The following ADAM18 variants were observed in gnomAD, a reference collection of about 807,000 sequenced individuals.
ADAM18 encodes the protein disintegrin and metalloproteinase domain-containing protein 18.
ADAM18 carries 117 observed loss-of-function variants against 94.4 expected under a neutral mutation model. That is an observed-to-expected ratio of 1.24 (90% confidence interval 1.07 to 1.45). The LOEUF is 1.45. Ranked by LOEUF, ADAM18 falls within the 40% of genes most tolerant of loss-of-function variation. ADAM18 has a pLI of 0.00. For missense variants in ADAM18, 936 were observed against 880.0 expected, an observed-to-expected ratio of 1.06 and a Z score of -0.81; for synonymous variants, 327 against 291.6, an observed-to-expected ratio of 1.12 and a Z score of -1.24.
At chr8:39,702,296 GAA>G (rs1222593621) in intron 17 of ADAM18, among the ~76,000 whole-genome samples, 1 of 151,684 alleles carries the variant, frequency 6.6e-6, no homozygotes, top group South Asian at 2.1e-4. Context: ...TGTCTTTTTT[GAA>G]AAGTTTCTGT....
rs142735088 is a variant in ADAM18 at position 39,640,815 on chromosome 8, A to ATT, written c.909+2278_909+2279dup. Among the ~76,000 whole-genome samples, 88 of 147,836 alleles carry ATT rather than the reference A, an allele frequency of 6.0e-4. 2 individuals carry two copies. The Middle Eastern group carries it at 0.014, about 23-fold the overall frequency. On this transcript the variant is annotated intron_variant, in intron 10 of 19. Coordinates refer to ENST00000265707, the MANE Select transcript of ADAM18 (RefSeq NM_014237.3). The stretch of plus-strand genomic sequence containing the variant: ...CTTTTTTTCATATTTTTGGCCACAT[A>ATT]TTTTTTTTTTATGAGAAGTGTCTGT...
At chr8:39,678,143 C>A (rs1392425985) in intron 15 of ADAM18, among the ~76,000 whole-genome samples, 6 of 152,144 alleles carry the variant, frequency 3.9e-5, no homozygotes, top group Admixed American at 3.9e-4. Flanking sequence ...AAATGTGTAA[C>A]AGAGCCAGAT....
intron 14 of ADAM18, among the ~76,000 whole-genome samples, chr8:39,674,324 A>G (rs1821238237): frequency 6.6e-6 from 1 of 152,280 alleles, no homozygotes; most frequent in Middle Eastern, 3.4e-3. Flanking sequence ...GGGTGCATGT[A>G]TATATTTAAG....
At chr8:39,697,220 T>C (rs1321551605) in intron 17 of ADAM18, among the ~76,000 whole-genome samples, 1 of 151,698 alleles carries the variant, frequency 6.6e-6, no homozygotes, top group Non-Finnish European at 1.5e-5. Context: ...TGTGTTGATT[T>C]TGTATCCTGC....
At chr8:39,610,945 G>T in intron 6 of ADAM18, 1 of 1,216,236 alleles carries the variant, frequency 8.2e-7, no homozygotes, top group Non-Finnish European at 1.0e-6. Flanking sequence ...CAAACAAAAT[G>T]ATACTATTGA....
intron 4 of ADAM18, 126 bp from the exon 5 acceptor site, chr8:39,609,354 TGAAAA>T: frequency 1.4e-6 from 1 of 706,750 alleles, no homozygotes; most frequent in Admixed American, 2.9e-5. Flanking sequence ...TTTTTTTTTC[TGAAAA>T]TATGCATTAA....
intron 2 of ADAM18, among the ~76,000 whole-genome samples, chr8:39,592,260 G>C (rs1337107888): frequency 6.6e-6 from 1 of 152,126 alleles, no homozygotes; most frequent in African/African-American, 2.4e-5. Flanking sequence ...CATTAAGATT[G>C]GGTAGAATGA....
intron 18 of ADAM18, among the ~76,000 whole-genome samples, chr8:39,722,398 T>G (rs1822785878): frequency 6.6e-6 from 1 of 150,900 alleles, no homozygotes; most frequent in Non-Finnish European, 1.5e-5. Flanking sequence ...ACTGGAGGCA[T>G]TAACCTAAGT....
At chr8:39,693,231 A>G (rs991540029) in intron 17 of ADAM18, among the ~76,000 whole-genome samples, 2 of 151,564 alleles carry the variant, frequency 1.3e-5, no homozygotes, top group African/African-American at 4.8e-5. Context: ...AAAGAAAATC[A>G]GTGTGTGATA....
chr8:39,711,985 A>G (rs900933641), intron 18 of ADAM18, among the ~76,000 whole-genome samples: 1 of 152,090 alleles, frequency 6.6e-6, no homozygotes, highest in Non-Finnish European at 1.5e-5. Context: ...ATTAAAAATG[A>G]AGTATAACAT....
intron 14 of ADAM18, among the ~76,000 whole-genome samples, chr8:39,675,997 G>A (rs989165536): frequency 1.3e-5 from 2 of 152,190 alleles, no homozygotes; most frequent in Admixed American, 1.3e-4. Flanking sequence ...AAATATTGCT[G>A]CCTGATCCTC....
chr8:39,697,453 A>C (rs949455622), intron 17 of ADAM18, among the ~76,000 whole-genome samples: 1 of 151,398 alleles, frequency 6.6e-6, no homozygotes, highest in African/African-American at 2.4e-5. Context: ...ATATTTTCCA[A>C]TTTTCCTTGT....
intron 3 of ADAM18, among the ~76,000 whole-genome samples, chr8:39,607,742 A>AT (rs35507114): frequency 0.26 from 34,409 of 130,252 alleles, 4,258 homozygotes; most frequent in East Asian, 0.48. Flanking sequence ...TCCTTTCTCT[A>AT]TTTTTTTTTT....
intron 3 of ADAM18, among the ~76,000 whole-genome samples, chr8:39,608,332 G>A (rs1269138347): frequency 1.3e-5 from 2 of 151,614 alleles, no homozygotes; most frequent in Non-Finnish European, 2.9e-5. Context: ...TCAACACAGT[G>A]CTGATTTTAT....
At chr8:39,625,113 A>T (rs1293880767) in intron 6 of ADAM18, among the ~76,000 whole-genome samples, 1 of 152,150 alleles carries the variant, frequency 6.6e-6, no homozygotes, top group Non-Finnish European at 1.5e-5. Flanking sequence ...AATTGCTTGA[A>T]TATGTAGATT....
At chr8:39,610,463 T>C in intron 5 of ADAM18, 66 bp from the exon 6 acceptor site, 1 of 1,458,152 alleles carries the variant, frequency 6.9e-7, no homozygotes. Flanking sequence ...CATTTCAGAT[T>C]ATCATTTTGA....
chr8:39,619,233 C>T (rs1819535590), intron 6 of ADAM18, among the ~76,000 whole-genome samples: 1 of 152,122 alleles, frequency 6.6e-6, no homozygotes, highest in South Asian at 2.1e-4. Flanking sequence ...GATTTCAACA[C>T]CTCACTTTCA....
intron 2 of ADAM18, among the ~76,000 whole-genome samples, chr8:39,588,678 A>T (rs1188079825): frequency 6.6e-6 from 1 of 152,128 alleles, no homozygotes; most frequent in Non-Finnish European, 1.5e-5. Context: ...CTCAGTTGGG[A>T]TGTGTTTATT....
chr8:39,626,795 A>G (rs1447484199), intron 6 of ADAM18, among the ~76,000 whole-genome samples: 2 of 152,104 alleles, frequency 1.3e-5, no homozygotes, highest in Non-Finnish European at 2.9e-5. Flanking sequence ...TTTTTAAAAA[A>G]TTTATTGAGA....
Sources: allele counts gnomAD v4.1 joint callset (sites outside exome capture counted in the v4.1 genomes callset), GRCh38; gene constraint gnomAD v4.1.1; transcripts MANE v1.5; gene names NCBI Gene and HGNC (gene_info 2026-07-23, HGNC 2026-07-21).